INTS2: variants seen among roughly 807,000 people sequenced by gnomAD.
The protein encoded by INTS2 is integrator complex subunit 2.
Under a neutral mutation model 139.6 loss-of-function variants are expected in INTS2, and 57 were observed. That is an observed-to-expected ratio of 0.41 (90% CI 0.33 to 0.51). INTS2 has a LOEUF of 0.51. Ranked by LOEUF, INTS2 falls within the 20% of genes least tolerant of loss-of-function variation. INTS2 has a pLI of 0.28. For synonymous variants in INTS2, 473 were observed against 493.4 expected (o/e 0.96, Z 0.55); for missense variants, 1,196 against 1,436.7 (o/e 0.83, Z 2.71).
Position 61,872,346 on chromosome 17 carries a change from A to G in INTS2, c.2697T>C (p.Asn899=), listed in dbSNP as rs1336637659. Residue 899 remains asparagine, a synonymous_variant, in exon 20 of 25, where the codon AAT becomes AAC. Transcript: ENST00000251334. This position sits in a 1 kb window ranked among gnomAD's most constrained non-coding sequence, Gnocchi z 4.8. The part of the protein sequence containing the change: ...KETEQDRPSQ[N]NTIGLVGQTD... Reference sequence around the variant, plus strand: ...TTTGTCCAACTAAACCAATTGTATTATTCTGGGAAGGCCTATCTTGCTCTG... The same window carrying G: ...TTTGTCCAACTAAACCAATTGTATTGTTCTGGGAAGGCCTATCTTGCTCTG... The G allele has an allele frequency of 6.2e-7, 1 of 1,613,352 alleles. No homozygotes were observed.
chr17:61,924,935 T>C (rs2079693486), intron 3 of INTS2, 26 bp downstream of exon 3: 1 of 1,605,294 alleles, frequency 6.2e-7, no homozygotes, highest in Non-Finnish European at 8.5e-7. Context: ...CATGCATACT[T>C]TGAGCTGTGG....
At chr17:61,911,907 G>A (rs1302142869) in intron 6 of INTS2, 33 bp downstream of exon 6, 10 of 1,595,742 alleles carry the variant, frequency 6.3e-6, no homozygotes, top group South Asian at 1.1e-5. Context: ...CTAATATAAA[G>A]GCCTTTGTCT....
intron 15 of INTS2, chr17:61,885,414 CTTTTTT>C (rs201806448): frequency 4.2e-4 from 59 of 141,970 alleles, no homozygotes; most frequent in African/African-American, 1.5e-3. Flanking sequence ...GTAATTTTAT[CTTTTTT>C]TTTTTTTTTT....
intron 9 of INTS2, among the ~76,000 whole-genome samples, chr17:61,901,119 C>G (rs2143040398): frequency 6.6e-6 from 1 of 151,994 alleles, no homozygotes; most frequent in East Asian, 1.9e-4. Flanking sequence ...CTACAAAAAA[C>G]TTTTAAAAAT....
chr17:61,869,875 G>A lies in INTS2; in HGVS notation c.2892C>T (p.Thr964=). The A allele has an allele frequency of 6.2e-7, 1 of 1,613,868 alleles. No individual in the cohort carries two copies. The highest frequency in any genetic ancestry group is 1.3e-5 in the African/African-American group (1 of 75,042). Reference sequence around the variant, plus strand: ...CCTCCATTCCCTTATTTGGAGCGCTGGTGGTAATAACACTTTGAACATTTC... The same window carrying A: ...CCTCCATTCCCTTATTTGGAGCGCTAGTGGTAATAACACTTTGAACATTTC... ...LLRNVQSVIT[T]SAPNKGMEEG... Residue 964 remains threonine (T), a synonymous_variant, in exon 21 of 25, where the codon ACC becomes ACT. Coordinates refer to ENST00000251334, the MANE Select transcript of INTS2 (RefSeq NM_001351695.2). This position sits in a 1 kb window ranked among gnomAD's most constrained non-coding sequence, Gnocchi z 5.4.
intron 5 of INTS2, among the ~76,000 whole-genome samples, chr17:61,913,964 A>C (rs2079552289): frequency 6.6e-6 from 1 of 152,114 alleles, no homozygotes; most frequent in Non-Finnish European, 1.5e-5. Context: ...AATGGCACAA[A>C]GTACAAGAGG....
chr17:61,868,133 C>A lies in INTS2; in HGVS notation c.3245-124G>T. On this transcript the variant is annotated intron_variant, in intron 23 of 24. Transcript: ENST00000251334. The surrounding 1 kb of genome is among the most constrained non-coding windows in gnomAD (Gnocchi z 4.7). ...TGAAGTTCTCTAAACACAGCCAACC[C>A]GTCTTCAGAAAGCTCACAATCTAGT... 7.6e-6 allele frequency: 5 copies of A among 655,852 alleles called. No homozygotes were observed. The allele number at this position is 655,852 out of a possible 1,614,324, so 40.6% of individuals were successfully genotyped here. A position where few individuals can be genotyped will look rare whatever the true frequency, so the allele number is the denominator to read the frequency against.
chr17:61,921,631 C>T (rs2079642172), intron 4 of INTS2, 94 bp downstream of exon 4: 1 of 536,456 alleles, frequency 1.9e-6, no homozygotes, highest in South Asian at 4.4e-5. Flanking sequence ...TTATATGATC[C>T]CTAAAATAAC....
Position 61,904,526 on chromosome 17 carries a change from G to A in INTS2, c.1241C>T (p.Thr414Met), listed in dbSNP as rs1314624182. ...LQLMTSRPPATPAGVRFVSLS... is the reference protein window; with the variant it reads ...LQLMTSRPPAMPAGVRFVSLS... ...TGAAACAAAGCGAACCCCAGCTGGC[G>A]TAGCAGGAGGACGGCTCGTCATCAA... Residue 414 changes from threonine (T) to methionine (M), a missense_variant, in exon 9 of 25, where the codon ACG becomes ATG. Thr to Met is a moderately conservative substitution (Grantham distance 81, BLOSUM62 -1). Coordinates refer to ENST00000251334, the MANE Select transcript of INTS2 (RefSeq NM_001351695.2). The A allele has an allele frequency of 2.5e-6, 4 of 1,611,894 alleles. No homozygotes were observed. The highest frequency in any genetic ancestry group is 2.2e-5 in the South Asian group (2 of 90,740).
chr17:61,918,431 G>A (rs1204994244), intron 5 of INTS2, among the ~76,000 whole-genome samples: 1 of 152,000 alleles, frequency 6.6e-6, no homozygotes, highest in Non-Finnish European at 1.5e-5. Flanking sequence ...TAGTAGAGAC[G>A]GGGTTTCACT....
chr17:61,881,768 G>A (rs958353379), intron 16 of INTS2, among the ~76,000 whole-genome samples: 18 of 152,172 alleles, frequency 1.2e-4, no homozygotes, highest in African/African-American at 3.4e-4. Context: ...CTTCCTGACA[G>A]TCATTTGATC....
rs2145936873 is a variant in INTS2, at chr17:61,897,394, T to A, written c.1494+75A>T. 1 of 797,216 alleles carries A rather than the reference T, an allele frequency of 1.3e-6. No individual in the cohort carries two copies. 49.4% of individuals were successfully genotyped at this position (797,216 alleles called of 1,614,324 possible). ...ATTAAAATTACTTAAATGAAAACAATCTATTTACACTACAACAAAATGTCC... is the reference window on the plus strand; with the variant it reads ...ATTAAAATTACTTAAATGAAAACAAACTATTTACACTACAACAAAATGTCC... On this transcript the variant is annotated intron_variant, in intron 11 of 24. Transcript: ENST00000251334. The surrounding 1 kb of genome is among the most constrained non-coding windows in gnomAD (Gnocchi z 4.4).
intron 4 of INTS2, among the ~76,000 whole-genome samples, chr17:61,920,602 G>C (rs9972890): frequency 6.7e-6 from 1 of 148,784 alleles, no homozygotes; most frequent in Non-Finnish European, 1.5e-5. Flanking sequence ...TTAAGAATTC[G>C]AGACCAGCCT....
chr17:61,924,927 T>C, intron 3 of INTS2, 34 bp downstream of exon 3: 4 of 1,599,894 alleles, frequency 2.5e-6, no homozygotes, highest in Admixed American at 3.5e-5. Flanking sequence ...CATCAAATCA[T>C]GCATACTTTG....
At position 61,875,013 on chromosome 17, in the gene INTS2, G is replaced by C. The variant is rs746554346; in HGVS notation, c.2482C>G (p.Leu828Val). ...CGTACAAACTTTATTGAAGGCTGAA[G>C]TGCATTAACCGTCATTACCCATAGC... The part of the protein sequence containing the change: ...RRLWVMTVNA[L>V]QPSIKFVRQQ... The change falls in exon 19 of 25, where the codon CTT (leucine) becomes GTT (valine). Residue 828 changes from leucine (L) to valine (V), a missense_variant. By Grantham distance (32) the Leu-to-Val change is conservative. Transcript: ENST00000251334. This position sits in a 1 kb window ranked among gnomAD's most constrained non-coding sequence, Gnocchi z 4.6. The C allele has an allele frequency of 1.3e-6, 2 of 1,597,152 alleles. No homozygotes were observed. The highest frequency in any genetic ancestry group is 1.7e-6 in the Non-Finnish European group (2 of 1,170,750).
chr17:61,872,198 T>C lies in INTS2; in HGVS notation c.2778+67A>G, dbSNP rs948579097. 9.7e-7 allele frequency: 1 copy of C among 1,025,990 alleles called. No individual in the cohort carries two copies. The highest frequency in any genetic ancestry group is 1.7e-5 in the South Asian group (1 of 57,632). The allele number at this position is 1,025,990 out of a possible 1,614,324, so 63.6% of individuals were successfully genotyped here. A position where few individuals can be genotyped will look rare whatever the true frequency, so the allele number is the denominator to read the frequency against. On this transcript the variant is annotated intron_variant, in intron 20 of 24. Transcript: ENST00000251334. The surrounding 1 kb of genome is among the most constrained non-coding windows in gnomAD (Gnocchi z 4.8). ...ATGGAGCGCACAATGTGCCATCTATTGAACTGATTATACTAGTAGAGAAGC... is the reference window on the plus strand; with the variant it reads ...ATGGAGCGCACAATGTGCCATCTATCGAACTGATTATACTAGTAGAGAAGC...
intron 9 of INTS2, among the ~76,000 whole-genome samples, chr17:61,903,090 G>A (rs2079424618): frequency 6.7e-6 from 1 of 149,432 alleles, no homozygotes; most frequent in Non-Finnish European, 1.5e-5. Flanking sequence ...GCGTGAACCT[G>A]GGAGGTGGAG....
At chr17:61,885,089 C>T in intron 15 of INTS2, 84 bp from the exon 16 acceptor site, 1 of 890,604 alleles carries the variant, frequency 1.1e-6, no homozygotes, top group South Asian at 1.6e-5. Flanking sequence ...GAAACAAAAA[C>T]AAAGTCAAAT....
rs1235829643 is a variant in INTS2 at position 61,909,495 on chromosome 17, A to G, written c.955-1861T>C. 1.3e-5 allele frequency among the ~76,000 whole-genome samples: 2 copies of G among 152,124 alleles called. No homozygotes were observed. The highest frequency in any genetic ancestry group is 1.9e-4 in the East Asian group (1 of 5,198). On this transcript the variant is annotated intron_variant, in intron 7 of 24. Coordinates refer to ENST00000251334, the MANE Select transcript of INTS2 (RefSeq NM_001351695.2). This position sits in a 1 kb window ranked among gnomAD's most constrained non-coding sequence, Gnocchi z 4.9. The stretch of plus-strand genomic sequence containing the variant: ...GCATAGAAGTCTGGGCTGTTGGTGT[A>G]GTCATCACCCTGATAGTATACCCTG...
Sources: allele counts gnomAD v4.1 joint callset (sites outside exome capture counted in the v4.1 genomes callset), GRCh38; gene constraint gnomAD v4.1.1; non-coding constraint Gnocchi (gnomAD v3.1); transcripts MANE v1.5; gene names NCBI Gene and HGNC (gene_info 2026-07-23, HGNC 2026-07-21).